WDR59: variants seen among roughly 807,000 people sequenced by gnomAD.
WDR59 encodes the protein WD repeat domain 59, also known as GATOR2 complex protein WDR59.
A neutral mutation model predicts 131.2 loss-of-function variants in WDR59; 100 were observed. The ratio of observed to expected loss-of-function variants is 0.76; its 90% CI spans 0.65 to 0.90. The LOEUF (loss-of-function observed/expected upper bound fraction) is 0.90. Ranked by LOEUF, WDR59 falls within the 40% of genes least tolerant of loss-of-function variation. The pLI is 0.00. For synonymous variants in WDR59, 601 were observed against 466.2 expected (o/e 1.29, Z -3.72); for missense variants, 1,203 against 1,262.2 (o/e 0.95, Z 0.71).
chr16:74,937,978 G>A (rs529887337), intron 8 of WDR59, among the ~76,000 whole-genome samples, 172 bp downstream of exon 8: 7 of 152,322 alleles, frequency 4.6e-5, no homozygotes, highest in South Asian at 4.1e-4. Context: ...TCGCTCTGTC[G>A]CATTTTGCTG....
intron 25 of WDR59, among the ~76,000 whole-genome samples, chr16:74,878,733 G>A (rs944098932): frequency 1.3e-5 from 2 of 152,170 alleles, no homozygotes; most frequent in African/African-American, 4.8e-5. Flanking sequence ...ACATTTTACG[G>A]GATGAATTAA....
chr16:74,889,338 C>T (rs1437223231), intron 21 of WDR59, among the ~76,000 whole-genome samples: 1 of 152,024 alleles, frequency 6.6e-6, no homozygotes, highest in East Asian at 1.9e-4. Flanking sequence ...CACCAACATG[C>T]AATTCTCTAA....
chr16:74,966,806 C>T (rs1172951167), intron 1 of WDR59, among the ~76,000 whole-genome samples: 3 of 152,168 alleles, frequency 2.0e-5, no homozygotes, highest in Admixed American at 2.0e-4. Context: ...TCCCGGGTCT[C>T]CCAATTCCCA....
intron 16 of WDR59, 151 bp from the exon 17 acceptor site, chr16:74,909,128 C>A: frequency 2.9e-6 from 2 of 691,546 alleles, no homozygotes; most frequent in Admixed American, 2.4e-5. Flanking sequence ...TGCAGTCACC[C>A]TTACCAGGAA....
At chr16:74,877,098 AGTTCATC>A (rs1445441376) in intron 25 of WDR59, among the ~76,000 whole-genome samples, 1 of 152,116 alleles carries the variant, frequency 6.6e-6, no homozygotes, top group Non-Finnish European at 1.5e-5. Flanking sequence ...GTGTTCTATT[AGTTCATC>A]AAGGGAAATG....
intron 6 of WDR59, among the ~76,000 whole-genome samples, chr16:74,943,767 T>C (rs761142561): frequency 2.6e-5 from 4 of 152,170 alleles, no homozygotes; most frequent in Admixed American, 6.5e-5. Flanking sequence ...GGGGAGCTAC[T>C]TGATCCAAGA....
chr16:74,978,222 C>T (rs938947963), intron 1 of WDR59, among the ~76,000 whole-genome samples: 1 of 149,710 alleles, frequency 6.7e-6, no homozygotes, highest in Non-Finnish European at 1.5e-5. Flanking sequence ...ACTCAGGAGG[C>T]TGAGGCAGAG....
chr16:74,950,628 C>T (rs563273551), intron 4 of WDR59, among the ~76,000 whole-genome samples: 185 of 152,300 alleles, frequency 1.2e-3, no homozygotes, highest in African/African-American at 3.9e-3. Context: ...GTCAGCTTAG[C>T]CCAGAAACAG....
Position 74,923,931 on chromosome 16 carries a change from A to G in WDR59, c.724T>C (p.Tyr242His), listed in dbSNP as rs985010162. ...AGGCAGGGTGGCTCACTCACTGTGT[A>G]TCTGGCCTTCCAGACAGGCACCTGG... is the stretch of plus-strand genomic sequence containing the variant. ...PCQVPVWKAR[Y>H]TPFSNGLVTV... Residue 242 changes from tyrosine to histidine, a missense_variant, in exon 9 of 26, where the codon TAC becomes CAC. Tyr to His is a moderately conservative substitution (Grantham distance 83). Transcript: ENST00000262144. 6.2e-7 allele frequency: 1 copy of G among 1,613,468 alleles called. No individual in the cohort carries two copies. The highest frequency in any genetic ancestry group is 1.3e-5 in the African/African-American group (1 of 75,036).
At chr16:74,975,027 A>AC (rs1374331977) in intron 1 of WDR59, among the ~76,000 whole-genome samples, 1 of 151,880 alleles carries the variant, frequency 6.6e-6, no homozygotes, top group Non-Finnish European at 1.5e-5. Flanking sequence ...GGCCTGGGGA[A>AC]CCCCCAACAC....
At chr16:74,890,527 A>G (rs1039287286) in intron 20 of WDR59, among the ~76,000 whole-genome samples, 4 of 152,190 alleles carry the variant, frequency 2.6e-5, no homozygotes, top group Admixed American at 1.3e-4. Flanking sequence ...TCTATAACAC[A>G]TTTAAGATCT....
At chr16:74,981,278 A>C (rs1357803200) in intron 1 of WDR59, among the ~76,000 whole-genome samples, 1 of 151,424 alleles carries the variant, frequency 6.6e-6, no homozygotes, top group African/African-American at 2.4e-5. Context: ...TGGGAGGTTG[A>C]GGCAGGAGAA....
At position 74,908,935 on chromosome 16, in the gene WDR59, GC is replaced by G; in HGVS notation, c.1684del (p.Ala562ArgfsTer22). On this transcript the variant is annotated frameshift_variant, in exon 17 of 26. Transcript: ENST00000262144. LOFTEE classifies it high-confidence loss of function. ...YFTRPMTMHR[A>X]VSPTEPTPRS... ...CGGAGTAGGCTCTGTGGGAGACACCGCCCGATGCATTGTCATGGGCCTTGTG... is the reference window on the plus strand; with the variant it reads ...CGGAGTAGGCTCTGTGGGAGACACCGCCGATGCATTGTCATGGGCCTTGTG... 6.2e-7 allele frequency: 1 copy of G among 1,614,078 alleles called. No homozygotes were observed. The highest frequency in any genetic ancestry group is 2.2e-5 in the East Asian group (1 of 44,884).
intron 3 of WDR59, among the ~76,000 whole-genome samples, chr16:74,952,019 A>G (rs2033030868): frequency 6.7e-6 from 1 of 150,172 alleles, no homozygotes; most frequent in African/African-American, 2.5e-5. Flanking sequence ...TGGGATCTAC[A>G]TTGCCCACGC....
intron 8 of WDR59, among the ~76,000 whole-genome samples, chr16:74,925,951 C>T (rs1488522589): frequency 1.3e-5 from 2 of 149,490 alleles, no homozygotes; most frequent in South Asian, 2.1e-4. Context: ...TACCACTGCA[C>T]TCCAGTGTGG....
intron 7 of WDR59, among the ~76,000 whole-genome samples, chr16:74,940,825 C>G (rs1037595783): frequency 6.6e-6 from 1 of 152,070 alleles, no homozygotes; most frequent in Non-Finnish European, 1.5e-5. Flanking sequence ...CCTGCCTCAG[C>G]CTCCCGAGTA....
chr16:74,910,753 C>A (rs1966045346), intron 14 of WDR59, among the ~76,000 whole-genome samples: 1 of 152,166 alleles, frequency 6.6e-6, no homozygotes, highest in African/African-American at 2.4e-5. Context: ...TATCCTACTG[C>A]TGAGTCATCG....
chr16:74,912,481 A>T (rs1966148873), intron 13 of WDR59, 119 bp from the exon 14 acceptor site: 1 of 1,044,682 alleles, frequency 9.6e-7, no homozygotes, highest in Non-Finnish European at 1.3e-6. Context: ...AGAGTCTACA[A>T]AGACAAATGT....
At chr16:74,968,486 C>T (rs368933765) in intron 1 of WDR59, among the ~76,000 whole-genome samples, 2 of 152,054 alleles carry the variant, frequency 1.3e-5, no homozygotes, top group Non-Finnish European at 2.9e-5. Flanking sequence ...TTTGGGAGGC[C>T]GAGGCAGGCG....
Sources: allele counts gnomAD v4.1 joint callset (sites outside exome capture counted in the v4.1 genomes callset), GRCh38; gene constraint gnomAD v4.1.1; transcripts MANE v1.5; gene names NCBI Gene and HGNC (gene_info 2026-07-23, HGNC 2026-07-21).